The following SEMA3A variants were observed in gnomAD, a reference collection of about 807,000 sequenced individuals.
SEMA3A encodes semaphorin 3A.
SEMA3A carries 29 observed loss-of-function variants against 97.9 expected under a neutral mutation model. The ratio of observed to expected loss-of-function variants is 0.30; its 90% CI spans 0.22 to 0.40. The LOEUF (loss-of-function observed/expected upper bound fraction) is 0.40. Ranked by LOEUF, SEMA3A falls within the 10% of genes least tolerant of loss-of-function variation. The pLI, the probability that SEMA3A is intolerant of heterozygous loss-of-function variation, is 1.00. For missense variants in SEMA3A, 763 were observed against 951.3 expected, an observed-to-expected ratio of 0.80 and a Z score of 2.60; for synonymous variants, 321 against 323.7, an observed-to-expected ratio of 0.99 and a Z score of 0.09.
At chr7:84,211,764 G>A (rs1029604149) in intron 3 of SEMA3A, among the ~76,000 whole-genome samples, 3 of 152,176 alleles carry the variant, frequency 2.0e-5, no homozygotes, top group Non-Finnish European at 4.4e-5. Context: ...ATTTTGAGAA[G>A]AGTAACAAGT....
rs1362012497 is a variant in SEMA3A, at chr7:84,365,427, ATT to A, written c.-169+6395_-169+6396del. ...TACTTGAAATAGAGGCTGAAAGTGT[ATT>A]ACTTGTTCAGTGTCACAGAGCTCAT... On this transcript the variant is annotated intron_variant, in intron 2 of 3. Coordinates refer to the SEMA3A transcript ENST00000424555. Among the ~76,000 whole-genome samples the A allele has an allele frequency of 2.6e-5, 4 of 151,530 alleles. No individual in the cohort carries two copies. The East Asian group carries it at 7.8e-4, about 30-fold the overall frequency.
At chr7:84,087,075 T>C (rs940837124) in intron 4 of SEMA3A, among the ~76,000 whole-genome samples, 10 of 152,136 alleles carry the variant, frequency 6.6e-5, no homozygotes, top group South Asian at 2.1e-4. Flanking sequence ...AGATGGTACA[T>C]TTGCTATTAA....
In SEMA3A at chr7:84,097,426, T is replaced by C. The variant is rs144869783; in HGVS notation, c.453+13044A>G. ...TTTAATCACAACAAAAATACAGGGG[T>C]ATAAAAATGCTGGTTTAAGAGACTG... On this transcript the variant is annotated intron_variant, in intron 4 of 16. Coordinates refer to ENST00000265362, the MANE Select transcript of SEMA3A (RefSeq NM_006080.3). 5.3e-3 allele frequency among the ~76,000 whole-genome samples: 799 copies of C among 152,090 alleles called. 4 individuals are homozygous for C. Among genetic ancestry groups the C allele is most frequent in the East Asian group, 0.017 (87 of 5,170 alleles).
In SEMA3A at chr7:84,054,021, A is replaced by T. The variant is rs868849693; in HGVS notation, c.547+6444T>A. Among the ~76,000 whole-genome samples, 439 of 151,812 alleles carry T rather than the reference A, an allele frequency of 2.9e-3. 1 individual carries two copies. Among genetic ancestry groups the T allele is most frequent in the Non-Finnish European group, 5.3e-3 (358 of 67,854 alleles). ...TTCTGGGTTGAAAATTCTTTTCTTT[A>T]AGAATGTTGAATATTGGCCCCCACT... On this transcript the variant is annotated intron_variant, in intron 5 of 16. Transcript: ENST00000265362.
At chr7:84,063,244 A>G (rs2115703969) in intron 4 of SEMA3A, among the ~76,000 whole-genome samples, 1 of 150,990 alleles carries the variant, frequency 6.6e-6, no homozygotes, top group African/African-American at 2.4e-5. Context: ...AACAGAAAGG[A>G]CATCCACACC....
intron 2 of SEMA3A, among the ~76,000 whole-genome samples, chr7:84,346,670 G>A (rs1406638898): frequency 1.3e-5 from 2 of 152,124 alleles, no homozygotes; most frequent in African/African-American, 2.4e-5. Context: ...CATAGTTTGT[G>A]ATGTCCCAAA....
At chr7:84,041,077 A>G (rs1182049263) in intron 6 of SEMA3A, among the ~76,000 whole-genome samples, 1 of 152,086 alleles carries the variant, frequency 6.6e-6, no homozygotes, top group Non-Finnish European at 1.5e-5. Flanking sequence ...GAACAATTTT[A>G]TTCAGGTCAC....
intron 1 of SEMA3A, among the ~76,000 whole-genome samples, chr7:84,142,783 T>C (rs1390207312): frequency 6.6e-6 from 1 of 152,208 alleles, no homozygotes; most frequent in African/African-American, 2.4e-5. Context: ...TTCCAAGAGA[T>C]ATTTCCCTCC....
At chr7:84,144,264 T>C (rs151052047) in intron 1 of SEMA3A, among the ~76,000 whole-genome samples, 37 of 152,058 alleles carry the variant, frequency 2.4e-4, no homozygotes, top group African/African-American at 8.4e-4. Flanking sequence ...GGCTGCAAAT[T>C]CCTCCAGCTC....
chr7:84,440,960 A>G (rs2715046), intron 1 of SEMA3A, among the ~76,000 whole-genome samples: 14,565 of 152,066 alleles, frequency 0.096, 1,245 homozygotes, highest in African/African-American at 0.2. Flanking sequence ...GGAGTTCGAG[A>G]CCAGCCTGAC....
intron 4 of SEMA3A, among the ~76,000 whole-genome samples, chr7:84,106,163 G>GTTATGA (rs1394228171): frequency 6.6e-6 from 1 of 152,190 alleles, no homozygotes; most frequent in Admixed American, 6.5e-5. Context: ...ATACAGTCAG[G>GTTATGA]TGACACATAA....
At chr7:84,429,549 G>T (rs374171924) in intron 1 of SEMA3A, among the ~76,000 whole-genome samples, 116 of 49,324 alleles carry the variant, frequency 2.4e-3, no homozygotes, top group African/African-American at 6.0e-3. Flanking sequence ...TATATATATA[G>T]CGAGAGAGAG....
chr7:84,443,880 CTT>C (rs71078831), intron 1 of SEMA3A, among the ~76,000 whole-genome samples: 45 of 92,422 alleles, frequency 4.9e-4, no homozygotes, highest in African/African-American at 1.7e-3. Context: ...GTGCTTTGTC[CTT>C]TTTTTTTTTT....
intron 1 of SEMA3A, among the ~76,000 whole-genome samples, chr7:84,471,674 A>C (rs1291198606): frequency 6.6e-6 from 1 of 152,220 alleles, no homozygotes; most frequent in East Asian, 1.9e-4. Context: ...GAGAGAATGA[A>C]AGCGTTATGA....
chr7:83,961,943 T>C, intron 16 of SEMA3A, 117 bp from the exon 17 acceptor site: 1 of 659,780 alleles, frequency 1.5e-6, no homozygotes, highest in Non-Finnish European at 2.4e-6. Flanking sequence ...TAACAGTTAA[T>C]AAAAATTTTT....
At chr7:84,379,962 C>T (rs745914436) in intron 1 of SEMA3A, among the ~76,000 whole-genome samples, 6 of 151,972 alleles carry the variant, frequency 3.9e-5, no homozygotes, top group Non-Finnish European at 8.8e-5. Flanking sequence ...ATATTAAAAA[C>T]GTAAATGAAA....
chr7:84,429,121 T>C (rs1252804643), intron 1 of SEMA3A, among the ~76,000 whole-genome samples: 1 of 152,006 alleles, frequency 6.6e-6, no homozygotes, highest in East Asian at 1.9e-4. Flanking sequence ...AATTTGAAGA[T>C]AATTCAGGCT....
intron 3 of SEMA3A, among the ~76,000 whole-genome samples, chr7:84,285,607 T>A (rs188209908): frequency 5.1e-4 from 77 of 152,284 alleles, no homozygotes; most frequent in African/African-American, 1.8e-3. Context: ...TTTCATTTAA[T>A]GCTTTGTTTG....
At chr7:84,166,795 A>T (rs1797223561) in intron 1 of SEMA3A, among the ~76,000 whole-genome samples, 1 of 148,702 alleles carries the variant, frequency 6.7e-6, no homozygotes, top group Admixed American at 6.8e-5. Flanking sequence ...GAATCGCTTG[A>T]ACTTGGAGGG....
Sources: gnomAD v4.1 joint callset for allele counts (sites outside exome capture counted in the v4.1 genomes callset) on GRCh38, gnomAD v4.1.1 for gene constraint, MANE v1.5 for transcripts, NCBI Gene and HGNC (gene_info 2026-07-23, HGNC 2026-07-21) for gene names.